The following ZBTB21 variants were observed in gnomAD, a reference collection of about 807,000 sequenced individuals.
ZBTB21 encodes zinc finger and BTB domain-containing protein 21.
In ZBTB21, 10 loss-of-function variants were observed where a neutral mutation model predicts 39.8. The ratio of observed to expected loss-of-function variants is 0.25; its 90% CI spans 0.16 to 0.43. The LOEUF (loss-of-function observed/expected upper bound fraction) is 0.43, where lower values mean the gene tolerates loss of function less well. ZBTB21 is among the 20% of genes least tolerant of loss of function. ZBTB21 has a pLI of 1.00. For synonymous variants in ZBTB21, 551 were observed against 498.8 expected (o/e 1.10, Z -1.40); for missense variants, 1,221 against 1,296.3 (o/e 0.94, Z 0.89).
rs138973204 is a variant in ZBTB21 at position 41,990,922 on chromosome 21, A to T, written c.3174T>A (p.Leu1058=). The change falls in exon 3 of 3, where the codon CTT becomes CTA. Residue 1058 remains leucine, a synonymous_variant. Transcript: ENST00000310826. ...AATTGTGTGTTTGTTCGTGACTCCA[A>T]AGACTAAATGCAGTCTTGAATGTCC... ...CHRTFKTAFS[L]WSHEQTHN The T allele has an allele frequency of 2.7e-6, 4 of 1,493,900 alleles. No individual in the cohort carries two copies. In the African/African-American group the frequency reaches 5.6e-5, roughly 21 times the overall value. The allele number at this position is 1,493,900 out of a possible 1,614,324, so 92.5% of individuals were successfully genotyped here. A position where few individuals can be genotyped will look rare whatever the true frequency, so the allele number is the denominator to read the frequency against.
At position 41,991,344 on chromosome 21, in the gene ZBTB21, A is replaced by G; in HGVS notation, c.2752T>C (p.Phe918Leu). ...LWPCEKCGKM[F>L]TVHKQLERHQ... ...CGCTCCAGCTGCTTATGCACCGTGAACATCTTCCCACACTTCTCGCAGGGC... is the reference window on the plus strand; with the variant it reads ...CGCTCCAGCTGCTTATGCACCGTGAGCATCTTCCCACACTTCTCGCAGGGC... Residue 918 changes from phenylalanine to leucine, a missense_variant, in exon 3 of 3, where the codon TTC becomes CTC. By Grantham distance (22) the Phe-to-Leu change is conservative. Around this residue, in one of 4 missense-constraint regions of ZBTB21, gnomAD observed 523 missense variants for 542.5 expected, o/e 0.96. Transcript: ENST00000310826. The surrounding 1 kb of genome is among the most constrained non-coding windows in gnomAD (Gnocchi z 4.9). 6.2e-7 allele frequency: 1 copy of G among 1,606,316 alleles called. No homozygotes were observed. Among genetic ancestry groups the G allele is most frequent in the Non-Finnish European group, 8.5e-7 (1 of 1,175,896 alleles).
chr21:42,003,114 C>G (rs1461191417), intron 1 of ZBTB21, among the ~76,000 whole-genome samples, 153 bp from the exon 2 acceptor site: 1 of 152,284 alleles, frequency 6.6e-6, no homozygotes, highest in Admixed American at 6.5e-5. Flanking sequence ...CTCAACCTTT[C>G]TGACTAGTTT....
Position 41,987,255 on chromosome 21 carries a change from G to C in ZBTB21, c.*3640C>G, listed in dbSNP as rs2065590071. The C allele has an allele frequency of 6.6e-6, 1 of 152,032 alleles. No homozygotes were observed. The highest frequency in any genetic ancestry group is 2.1e-4 in the South Asian group (1 of 4,824). 9.4% of individuals were successfully genotyped at this position (152,032 alleles called of 1,614,324 possible). On this transcript the variant is annotated 3_prime_UTR_variant, in exon 3 of 3. Transcript: ENST00000310826. ...GGTTCCCAAAAGACTGTCTCTAAAA[G>C]GAATTTTTAAAAACACCTGACATTG...
rs1235205581 is a variant in ZBTB21 at position 41,988,690 on chromosome 21, ATGTGAAGACAAAAC to A, written c.*2191_*2204del. 3.3e-5 allele frequency: 5 copies of A among 152,182 alleles called. No homozygotes were observed. Among genetic ancestry groups the A allele is most frequent in the Non-Finnish European group, 5.9e-5 (4 of 68,010 alleles). The allele number at this position is 152,182 out of a possible 1,614,324, so 9.4% of individuals were successfully genotyped here. ...TCTTATATTCCTTGCTTAGACAAAA[ATGTGAAGACAAAAC>A]ACCAGTCATTTTTAAAATCTAACAG... On this transcript the variant is annotated 3_prime_UTR_variant, in exon 3 of 3. Transcript: ENST00000310826.
At position 41,992,273 on chromosome 21, in the gene ZBTB21, G is replaced by T. The variant is rs1313798631; in HGVS notation, c.1823C>A (p.Ser608Tyr). The T allele has an allele frequency of 6.2e-7, 1 of 1,614,176 alleles. No homozygotes were observed. The highest frequency in any genetic ancestry group is 2.2e-5 in the East Asian group (1 of 44,876). ...HGIVKNPSPASSSHAVLDEKF... is the reference protein window; with the variant it reads ...HGIVKNPSPAYSSHAVLDEKF... Reference sequence around the variant, plus strand: ...TTCATCCAAAACAGCATGTGAACTAGAGGCTGGTGATGGGTTCTTCACTAT... The same window carrying T: ...TTCATCCAAAACAGCATGTGAACTATAGGCTGGTGATGGGTTCTTCACTAT... The change falls in exon 3 of 3, where the codon TCT becomes TAT. Residue 608 changes from serine to tyrosine, a missense_variant. Around this residue, in one of 4 missense-constraint regions of ZBTB21, gnomAD observed 90 missense variants for 133.1 expected, o/e 0.68. Coordinates refer to ENST00000310826, the MANE Select transcript of ZBTB21 (RefSeq NM_001098402.2). The surrounding 1 kb of genome is among the most constrained non-coding windows in gnomAD (Gnocchi z 4.1).
intron 1 of ZBTB21, among the ~76,000 whole-genome samples, chr21:42,006,864 G>A (rs942273083): frequency 3.9e-5 from 6 of 152,198 alleles, no homozygotes; most frequent in African/African-American, 1.4e-4. Flanking sequence ...AACAGAGGAA[G>A]GACCAAGTAG....
chr21:41,991,614 A>G lies in ZBTB21; in HGVS notation c.2482T>C (p.Ser828Pro), dbSNP rs778453601. ...GDVTGSSRPQ[S>P]QPEPNKVNHI... ...TTTACTTTGTTGGGCTCAGGCTGGG[A>G]TTGGGGCCTTGAAGAACCAGTCACA... The change falls in exon 3 of 3, where the codon TCC (serine) becomes CCC (proline). Residue 828 changes from serine to proline, a missense_variant. Around this residue, in one of 4 missense-constraint regions of ZBTB21, gnomAD observed 523 missense variants for 542.5 expected, o/e 0.96. Transcript: ENST00000310826. The surrounding 1 kb of genome is among the most constrained non-coding windows in gnomAD (Gnocchi z 4.9). 1 of 1,614,038 alleles carries G rather than the reference A, an allele frequency of 6.2e-7. No individual in the cohort carries two copies.
intron 1 of ZBTB21, among the ~76,000 whole-genome samples, chr21:42,009,926 C>T (rs1297308000): frequency 6.6e-6 from 1 of 152,198 alleles, no homozygotes; most frequent in Non-Finnish European, 1.5e-5. Context: ...TGTCCCCTAC[C>T]CCAGGGGCAG....
Position 41,987,615 on chromosome 21 carries a change from T to G in ZBTB21, c.*3280A>C, listed in dbSNP as rs966773708. On this transcript the variant is annotated 3_prime_UTR_variant, in exon 3 of 3. Coordinates refer to ENST00000310826, the MANE Select transcript of ZBTB21 (RefSeq NM_001098402.2). ...GACTTGTAATCCAGTTAGATACAAT[T>G]TATACAGAAATCTATTTGGAATTAT... The G allele has an allele frequency of 6.6e-6, 1 of 152,202 alleles. No homozygotes were observed. The highest frequency in any genetic ancestry group is 2.4e-5 in the African/African-American group (1 of 41,454). 9.4% of individuals were successfully genotyped at this position (152,202 alleles called of 1,614,324 possible).
intron 1 of ZBTB21, among the ~76,000 whole-genome samples, chr21:42,010,037 C>CA (rs1368397081): frequency 6.6e-6 from 1 of 152,260 alleles, no homozygotes; most frequent in Admixed American, 6.5e-5. Context: ...TGTGAAGGTA[C>CA]AATCGGCTAC....
chr21:42,004,102 C>G (rs1227467104), intron 1 of ZBTB21, among the ~76,000 whole-genome samples: 1 of 151,486 alleles, frequency 6.6e-6, no homozygotes, highest in Non-Finnish European at 1.5e-5. Context: ...TGGGTTCAAG[C>G]AATTCTCCTG....
Position 41,992,859 on chromosome 21 carries a change from A to C in ZBTB21, c.1237T>G (p.Ser413Ala), listed in dbSNP as rs906129974. 1 of 1,614,196 alleles carries C rather than the reference A, an allele frequency of 6.2e-7. No homozygotes were observed. Among genetic ancestry groups the C allele is most frequent in the Non-Finnish European group, 8.5e-7 (1 of 1,180,040 alleles). Residue 413 changes from serine (S) to alanine (A), a missense_variant, in exon 3 of 3, where the codon TCT becomes GCT. Around this residue, in one of 4 missense-constraint regions of ZBTB21, gnomAD observed 500 missense variants for 465.6 expected, o/e 1.07. Transcript: ENST00000310826. The surrounding 1 kb of genome is among the most constrained non-coding windows in gnomAD (Gnocchi z 4.1). ...GCTCCCTCCCTGTCTGTTGACTGAG[A>C]AGCACTAAAGGACCTGAGGCGATGC... ...QPHRLRSFSA[S>A]QSTDREGASP...
chr21:41,991,155 A>G lies in ZBTB21; in HGVS notation c.2941T>C (p.Ser981Pro), dbSNP rs1601629269. 6.2e-7 allele frequency: 1 copy of G among 1,613,750 alleles called. No individual in the cohort carries two copies. The highest frequency in any genetic ancestry group is 8.5e-7 in the Non-Finnish European group (1 of 1,179,948). Residue 981 changes from serine (S) to proline (P), a missense_variant, in exon 3 of 3, where the codon TCT (serine) becomes CCT (proline). Ser to Pro is a moderately conservative substitution (Grantham distance 74, BLOSUM62 -1). This residue lies in a region of ZBTB21 where 523 missense variants were observed against 542.5 expected (regional missense o/e 0.96). Transcript: ENST00000310826. The surrounding 1 kb of genome is among the most constrained non-coding windows in gnomAD (Gnocchi z 4.9). ...GGTGGCAGAGGTGGTGGAGAGGGAGAGTTTGTGGGAACAGGGCACACCTCA... is the reference window on the plus strand; with the variant it reads ...GGTGGCAGAGGTGGTGGAGAGGGAGGGTTTGTGGGAACAGGGCACACCTCA... ...ESEVCPVPTN[S>P]PSPPPLPPPP...
In ZBTB21 at chr21:42,008,772, A is replaced by AAT. The variant is rs199943234; in HGVS notation, c.-79+1479_-79+1480insAT. On this transcript the variant is annotated intron_variant, in intron 1 of 2. Transcript: ENST00000310826. ...AATGAAGCACATTATACTTTCAATA[A>AAT]AGTGTTAAAAAGGAAAAATAAACAA... Among the ~76,000 whole-genome samples the AAT allele has an allele frequency of 2.5e-3, 382 of 152,278 alleles. 3 individuals are homozygous for AAT. The highest frequency in any genetic ancestry group is 8.8e-3 in the African/African-American group (366 of 41,540).
rs200789853 is a variant in ZBTB21 at position 41,990,867 on chromosome 21, C to T, written c.*28G>A. ...AATTCAGGTTGAAATCTGGGGACTG[C>T]CTCCCATAGGTAAAAAGTGTTGGTC... On this transcript the variant is annotated 3_prime_UTR_variant, in exon 3 of 3. Coordinates refer to ENST00000310826, the MANE Select transcript of ZBTB21 (RefSeq NM_001098402.2). The T allele has an allele frequency of 2.4e-3, 3,359 of 1,418,110 alleles. 10 individuals carry two copies. The highest frequency in any genetic ancestry group is 3.1e-3 in the Admixed American group (113 of 36,886). 87.8% of individuals were successfully genotyped at this position (1,418,110 alleles called of 1,614,324 possible). A position where few individuals can be genotyped will look rare whatever the true frequency, so the allele number is the denominator to read the frequency against.
intron 1 of ZBTB21, among the ~76,000 whole-genome samples, chr21:42,009,757 G>A (rs1030588737): frequency 6.6e-6 from 1 of 151,932 alleles, no homozygotes; most frequent in African/African-American, 2.4e-5. Flanking sequence ...GCGGCGGGTC[G>A]CGGCAGGTGC....
At chr21:42,000,741 G>A (rs1457790511) in intron 2 of ZBTB21, among the ~76,000 whole-genome samples, 1 of 152,134 alleles carries the variant, frequency 6.6e-6, no homozygotes, top group Non-Finnish European at 1.5e-5. Flanking sequence ...CTATGGACTA[G>A]GGGACAATAA....
At position 41,993,238 on chromosome 21, in the gene ZBTB21, T is replaced by G; in HGVS notation, c.858A>C (p.Ser286=). 1 of 1,611,730 alleles carries G rather than the reference T, an allele frequency of 6.2e-7. No individual in the cohort carries two copies. Among genetic ancestry groups the G allele is most frequent in the Middle Eastern group, 1.6e-4 (1 of 6,062 alleles). ...RPPVLSVCSS[S]ETPYLLKETN... is the part of the protein sequence containing the mutation. Reference sequence around the variant, plus strand: ...TTTCTTTTAATAGATAGGGAGTCTCTGATGAGCTACAAACAGACAAAACAG... The same window carrying G: ...TTTCTTTTAATAGATAGGGAGTCTCGGATGAGCTACAAACAGACAAAACAG... The change falls in exon 3 of 3, where the codon TCA becomes TCC. Residue 286 remains serine (S), a synonymous_variant. Coordinates refer to ENST00000310826, the MANE Select transcript of ZBTB21 (RefSeq NM_001098402.2).
At chr21:42,002,214 G>A (rs1173487105) in intron 2 of ZBTB21, 1 of 151,946 alleles carries the variant, frequency 6.6e-6, no homozygotes, top group Non-Finnish European at 1.5e-5. Flanking sequence ...TAAGGCCCTT[G>A]TTTTTTTTAC....
Sources: gnomAD v4.1 joint callset for allele counts (sites outside exome capture counted in the v4.1 genomes callset) on GRCh38, gnomAD v4.1.1 for gene constraint, gnomAD v4.1.1 regional missense constraint, Gnocchi (gnomAD v3.1) non-coding constraint, MANE v1.5 for transcripts, NCBI Gene and HGNC (gene_info 2026-07-23, HGNC 2026-07-21) for gene names.